The following PCDHGA6 variants were observed in gnomAD, a reference collection of about 807,000 sequenced individuals.
PCDHGA6 encodes the protein protocadherin gamma-A6.
Under a neutral mutation model 60.6 loss-of-function variants are expected in PCDHGA6, and 41 were observed. The observed-to-expected ratio is 0.68, with a 90% CI of 0.53 to 0.88. The LOEUF (loss-of-function observed/expected upper bound fraction) is 0.88. PCDHGA6 is among the 40% of genes least tolerant of loss of function. The pLI, the probability that PCDHGA6 is intolerant of heterozygous loss-of-function variation, is 0.00. For missense variants in PCDHGA6, 1,312 were observed against 1,203.0 expected, an observed-to-expected ratio of 1.09 and a Z score of -1.34; for synonymous variants, 594 against 524.4, an observed-to-expected ratio of 1.13 and a Z score of -1.81.
rs951502238 is a variant in PCDHGA6 at position 141,478,263 on chromosome 5, A to G, written c.2425-16544A>G. ...ACAGTGTTCGGAGTAATCATATTCA[A>G]AGTTTACAAGTGGAAGCAGTCTAGA... On this transcript the variant is annotated intron_variant, in intron 1 of 3. Coordinates refer to ENST00000517434, the MANE Select transcript of PCDHGA6 (RefSeq NM_018919.3). The G allele has an allele frequency of 2.5e-6, 4 of 1,614,046 alleles. No individual in the cohort carries two copies. The African/African-American group carries it at 5.3e-5, about 22-fold the overall frequency.
chr5:141,477,607 G>A lies in PCDHGA6; in HGVS notation c.2425-17200G>A, dbSNP rs1223703956. ...ATGCTCGGCTTTCTTTCTTTCTCTT[G>A]GAGCAAGGAGCTGAAACCGGGCTAG... is the stretch of plus-strand genomic sequence containing the variant. On this transcript the variant is annotated intron_variant, in intron 1 of 3. Coordinates refer to ENST00000517434, the MANE Select transcript of PCDHGA6 (RefSeq NM_018919.3). The surrounding 1 kb of genome is among the most constrained non-coding windows in gnomAD (Gnocchi z 4.9). 2 of 1,614,028 alleles carry A rather than the reference G, an allele frequency of 1.2e-6. No individual in the cohort carries two copies. The highest frequency in any genetic ancestry group is 3.3e-5 in the Admixed American group (2 of 60,000).
Position 141,414,170 on chromosome 5 carries a change from T to C in PCDHGA6, c.2424+37663T>C, listed in dbSNP as rs1411353386. The C allele has an allele frequency of 6.2e-7, 1 of 1,606,208 alleles. No homozygotes were observed. The highest frequency in any genetic ancestry group is 1.7e-5 in the Admixed American group (1 of 58,580). The stretch of plus-strand genomic sequence containing the variant: ...CAAGCAGAAGATGGAGGAGCATATC[T>C]TGCAACTGCAAAAGTGTTGATTACA... On this transcript the variant is annotated intron_variant, in intron 1 of 3. Coordinates refer to ENST00000517434, the MANE Select transcript of PCDHGA6 (RefSeq NM_018919.3).
chr5:141,414,741 A>C, intron 1 of PCDHGA6: 1 of 1,614,158 alleles, frequency 6.2e-7, no homozygotes. Flanking sequence ...ATGCACTCAG[A>C]TCCTTCGACT....
chr5:141,485,434 G>A lies in PCDHGA6; in HGVS notation c.2425-9373G>A. The A allele has an allele frequency of 6.2e-7, 1 of 1,614,166 alleles. No individual in the cohort carries two copies. The highest frequency in any genetic ancestry group is 8.5e-7 in the Non-Finnish European group (1 of 1,180,018). On this transcript the variant is annotated intron_variant, in intron 1 of 3. Coordinates refer to ENST00000517434, the MANE Select transcript of PCDHGA6 (RefSeq NM_018919.3). This position sits in a 1 kb window ranked among gnomAD's most constrained non-coding sequence, Gnocchi z 5.7. ...TGGACAGCGGAGCCCTGCTCATCAA[G>A]AACCCAATCGACCGAGAGGCACTGT...
At chr5:141,414,633 A>C (rs1368963927) in intron 1 of PCDHGA6, 1 of 1,613,988 alleles carries the variant, frequency 6.2e-7, no homozygotes, top group South Asian at 1.1e-5. Context: ...CGGACAGCAA[A>C]GAGAATGCCC....
intron 1 of PCDHGA6, chr5:141,415,450 C>T (rs774745130): frequency 1.9e-6 from 3 of 1,614,202 alleles, no homozygotes; most frequent in Non-Finnish European, 2.5e-6. Flanking sequence ...GACCTATTCC[C>T]ACGAGGTCTC....
At chr5:141,426,029 A>G (rs576464127) in intron 1 of PCDHGA6, among the ~76,000 whole-genome samples, 13 of 152,216 alleles carry the variant, frequency 8.5e-5, no homozygotes, top group Non-Finnish European at 1.9e-4. Flanking sequence ...AAATAGACTC[A>G]GAGCCCTGCT....
At chr5:141,376,589 C>A in intron 1 of PCDHGA6, 82 bp downstream of exon 1, 1 of 1,568,198 alleles carries the variant, frequency 6.4e-7, no homozygotes, top group South Asian at 1.2e-5. Context: ...TCAGCTAGAT[C>A]GGCTGTTATA....
chr5:141,417,824 G>A (rs2096165363), intron 1 of PCDHGA6: 4 of 1,518,120 alleles, frequency 2.6e-6, no homozygotes, highest in Non-Finnish European at 3.5e-6. Context: ...TTCTCCAACT[G>A]GAAAAGCGGG....
At position 141,375,073 on chromosome 5, in the gene PCDHGA6, A is replaced by T; in HGVS notation, c.990A>T (p.Arg330Ser). The T allele has an allele frequency of 6.2e-7, 1 of 1,614,030 alleles. No individual in the cohort carries two copies. The highest frequency in any genetic ancestry group is 8.5e-7 in the Non-Finnish European group (1 of 1,179,898). Residue 330 changes from arginine to serine, a missense_variant, in exon 1 of 4, where the codon AGA becomes AGT. Coordinates refer to ENST00000517434, the MANE Select transcript of PCDHGA6 (RefSeq NM_018919.3). Reference sequence around the variant, plus strand: ...GGGATGGGCCAGGTCTTCGAGACAGAGCGAAAGTCTTAATAACTATCTTGG... The same window carrying T: ...GGGATGGGCCAGGTCTTCGAGACAGTGCGAAAGTCTTAATAACTATCTTGG... Reference protein sequence around the residue: ...EARDGPGLRDRAKVLITILDV... With the variant: ...EARDGPGLRDSAKVLITILDV...
At chr5:141,418,484 C>T (rs771278923) in intron 1 of PCDHGA6, 1 of 1,613,878 alleles carries the variant, frequency 6.2e-7, no homozygotes, top group East Asian at 2.2e-5. Flanking sequence ...GAGCGCTCAC[C>T]ACTTGGTACT....
intron 1 of PCDHGA6, chr5:141,422,569 G>A (rs1219842498): frequency 6.2e-7 from 1 of 1,613,984 alleles, no homozygotes; most frequent in Admixed American, 1.7e-5. Context: ...AGATGACAAC[G>A]ATAACCCTCC....
chr5:141,445,564 G>A (rs564704836), intron 1 of PCDHGA6, among the ~76,000 whole-genome samples: 20 of 152,306 alleles, frequency 1.3e-4, no homozygotes, highest in Admixed American at 1.2e-3. Context: ...CTAAGAGAAA[G>A]CTTATAGTAG....
chr5:141,448,426 T>C (rs892222815), intron 1 of PCDHGA6, among the ~76,000 whole-genome samples: 1 of 152,164 alleles, frequency 6.6e-6, no homozygotes, highest in Non-Finnish European at 1.5e-5. Context: ...ATACTATGTA[T>C]ATATTGAGAA....
intron 1 of PCDHGA6, chr5:141,378,539 A>G (rs891154115): frequency 5.3e-5 from 8 of 152,296 alleles, no homozygotes; most frequent in African/African-American, 1.9e-4. Flanking sequence ...TAATAATGAT[A>G]ATTAATAAAT....
chr5:141,482,383 G>A (rs1594230401), intron 1 of PCDHGA6, among the ~76,000 whole-genome samples: 2 of 152,240 alleles, frequency 1.3e-5, no homozygotes, highest in East Asian at 3.9e-4. Context: ...TAAAGTCCCT[G>A]TATGGAGCAA....
chr5:141,492,632 C>G (rs1359761285), intron 1 of PCDHGA6, among the ~76,000 whole-genome samples: 1 of 152,256 alleles, frequency 6.6e-6, no homozygotes, highest in Non-Finnish European at 1.5e-5. Flanking sequence ...CAGGACTCTA[C>G]GATCCTTGGG....
intron 2 of PCDHGA6, among the ~76,000 whole-genome samples, chr5:141,501,868 C>G (rs1016056445): frequency 1.3e-5 from 2 of 152,120 alleles, no homozygotes; most frequent in African/African-American, 2.4e-5. Flanking sequence ...TCCCAGGACG[C>G]CTCCTTACAC....
intron 1 of PCDHGA6, chr5:141,428,173 CGGA>C (rs770477048): frequency 1.3e-6 from 2 of 1,514,730 alleles, no homozygotes. Context: ...CTGTGCGTGA[CGGA>C]GGACAGCCGC....
Sources: allele counts gnomAD v4.1 joint callset (sites outside exome capture counted in the v4.1 genomes callset), GRCh38; gene constraint gnomAD v4.1.1; non-coding constraint Gnocchi (gnomAD v3.1); transcripts MANE v1.5; gene names NCBI Gene and HGNC (gene_info 2026-07-23, HGNC 2026-07-21).